The following PLXNC1 variants were observed in gnomAD, a reference collection of about 807,000 sequenced individuals.
The protein encoded by PLXNC1 is plexin C1.
PLXNC1 carries 75 observed loss-of-function variants against 178.2 expected under a neutral mutation model. The ratio of observed to expected loss-of-function variants is 0.42; its 90% CI spans 0.35 to 0.51. The LOEUF (loss-of-function observed/expected upper bound fraction) is 0.51, where lower values mean the gene tolerates loss of function less well. PLXNC1 is among the 20% of genes least tolerant of loss of function. The probability of loss-of-function intolerance (pLI) is 0.02; values close to 1 mark genes in which losing one functional copy is unlikely to be tolerated. For synonymous variants in PLXNC1, 790 were observed against 779.9 expected (o/e 1.01, Z -0.22); for missense variants, 1,503 against 1,984.4 (o/e 0.76, Z 4.61).
chr12:94,284,362 A>G (rs1223775265), intron 23 of PLXNC1, among the ~76,000 whole-genome samples: 1 of 152,176 alleles, frequency 6.6e-6, no homozygotes, highest in African/African-American at 2.4e-5. Context: ...AGTTCAGTCT[A>G]CATCCAGAAA....
chr12:94,186,530 G>T, intron 4 of PLXNC1, 57 bp downstream of exon 4: 1 of 1,090,498 alleles, frequency 9.2e-7, no homozygotes, highest in Non-Finnish European at 1.4e-6. Flanking sequence ...TCATGCGGCA[G>T]AACACTTGTT....
chr12:94,190,860 C>A (rs1267216954), intron 4 of PLXNC1, among the ~76,000 whole-genome samples: 6 of 152,234 alleles, frequency 3.9e-5, no homozygotes, highest in Non-Finnish European at 7.3e-5. Context: ...CAGTCTAGTA[C>A]ATTCTTCCCC....
At chr12:94,223,044 T>C (rs1451429849) in intron 6 of PLXNC1, among the ~76,000 whole-genome samples, 1 of 152,164 alleles carries the variant, frequency 6.6e-6, no homozygotes, top group Non-Finnish European at 1.5e-5. Context: ...CACACACTAA[T>C]AAAATTTCAA....
chr12:94,187,684 T>C (rs191367210), intron 4 of PLXNC1, among the ~76,000 whole-genome samples: 5 of 152,312 alleles, frequency 3.3e-5, no homozygotes, highest in African/African-American at 7.2e-5. Context: ...AGCATCCCTG[T>C]CTGTATTTGT....
chr12:94,220,130 A>C lies in PLXNC1; in HGVS notation c.1669A>C (p.Thr557Pro). The C allele has an allele frequency of 1.2e-6, 2 of 1,614,108 alleles. No individual in the cohort carries two copies. The highest frequency in any genetic ancestry group is 1.7e-6 in the Non-Finnish European group (2 of 1,179,982). ...TAAAAGTCAGCCCAACCGGACCTGC[A>C]CCTGTAGCATCCCAACCAGAGCAAC... ...QNKSQPNRTC[T>P]CSIPTRATYK... Residue 557 changes from threonine to proline, a missense_variant, in exon 6 of 31, where the codon ACC becomes CCC. By Grantham distance (38) the Thr-to-Pro change is conservative. This residue lies in a region of PLXNC1 where 615 missense variants were observed against 698.6 expected (regional missense o/e 0.88). Transcript: ENST00000258526.
chr12:94,226,254 G>A (rs914860192), intron 7 of PLXNC1, among the ~76,000 whole-genome samples: 22 of 152,210 alleles, frequency 1.4e-4, no homozygotes, highest in Admixed American at 3.3e-4. Context: ...GGAAGGCAGA[G>A]TGGGTAGAGG....
chr12:94,149,092 C>T lies in PLXNC1; in HGVS notation c.121C>T (p.Arg41Trp), dbSNP rs750982418. 3.8e-6 allele frequency: 6 copies of T among 1,579,044 alleles called. No homozygotes were observed. In the South Asian group the frequency reaches 5.7e-5, roughly 15 times the overall value. ...CCGGGGCGCGGACGAGCCCGTGTGGCGGTCGGAGCAAGCCATCGGAGCCAT... is the reference window on the plus strand; with the variant it reads ...CCGGGGCGCGGACGAGCCCGTGTGGTGGTCGGAGCAAGCCATCGGAGCCAT... ...PGRGADEPVWRSEQAIGAIAA... is the reference protein window; with the variant it reads ...PGRGADEPVWWSEQAIGAIAA... The change falls in exon 1 of 31, where the codon CGG becomes TGG. Residue 41 changes from arginine (R) to tryptophan (W), a missense_variant. This residue lies in a region of PLXNC1 where 176 missense variants were observed against 180.7 expected (regional missense o/e 0.97). Coordinates refer to ENST00000258526, the MANE Select transcript of PLXNC1 (RefSeq NM_005761.3).
chr12:94,186,284 C>A, intron 3 of PLXNC1, 89 bp from the exon 4 acceptor site: 2 of 872,868 alleles, frequency 2.3e-6, no homozygotes. Context: ...GATAAATAGG[C>A]TCTTTTTGGC....
intron 27 of PLXNC1, among the ~76,000 whole-genome samples, chr12:94,299,673 C>T (rs1009661501): frequency 6.6e-6 from 1 of 152,142 alleles, no homozygotes; most frequent in Non-Finnish European, 1.5e-5. Flanking sequence ...AATTCTCCCA[C>T]CTCAGCTTCC....
At chr12:94,212,651 G>C (rs908999467) in intron 5 of PLXNC1, among the ~76,000 whole-genome samples, 12 of 151,882 alleles carry the variant, frequency 7.9e-5, no homozygotes, top group Non-Finnish European at 1.6e-4. Context: ...CAAAGGACAT[G>C]AACTCATCTT....
At chr12:94,186,952 A>G (rs753348013) in intron 4 of PLXNC1, among the ~76,000 whole-genome samples, 1 of 152,170 alleles carries the variant, frequency 6.6e-6, no homozygotes, top group Non-Finnish European at 1.5e-5. Flanking sequence ...CTGATGTACA[A>G]TCTCAGTCTC....
chr12:94,289,841 C>T (rs909528360), intron 23 of PLXNC1, among the ~76,000 whole-genome samples: 3 of 152,186 alleles, frequency 2.0e-5, no homozygotes, highest in Non-Finnish European at 2.9e-5. Context: ...TGCACTCACA[C>T]ATACGCGCTC....
At chr12:94,227,257 G>C in intron 9 of PLXNC1, 22 bp downstream of exon 9, 1 of 1,458,710 alleles carries the variant, frequency 6.9e-7, no homozygotes, top group East Asian at 2.3e-5. Flanking sequence ...TTTTTGTGTG[G>C]TTGAGGGGAA....
chr12:94,279,455 T>C lies in PLXNC1; in HGVS notation c.3598-17T>C, dbSNP rs1459335499. On this transcript the variant is annotated splice_polypyrimidine_tract_variant and intron_variant, in intron 21 of 30. Transcript: ENST00000258526. Reference sequence around the variant, plus strand: ...CAATTATCTAATAGACTTGGAAACCTGTTTGTACTCTTGCAGGCATTAAAC... The same window carrying C: ...CAATTATCTAATAGACTTGGAAACCCGTTTGTACTCTTGCAGGCATTAAAC... 2 of 1,601,304 alleles carry C rather than the reference T, an allele frequency of 1.2e-6. No individual in the cohort carries two copies. The highest frequency in any genetic ancestry group is 1.3e-5 in the African/African-American group (1 of 74,388).
At chr12:94,213,408 G>C (rs1312978063) in intron 5 of PLXNC1, among the ~76,000 whole-genome samples, 1 of 152,202 alleles carries the variant, frequency 6.6e-6, no homozygotes, top group East Asian at 1.9e-4. Flanking sequence ...GACCAGTGAT[G>C]ATGAGCATTT....
chr12:94,235,641 T>C (rs1168247880), intron 9 of PLXNC1, among the ~76,000 whole-genome samples: 1 of 152,140 alleles, frequency 6.6e-6, no homozygotes, highest in East Asian at 1.9e-4. Flanking sequence ...AGACAGTAAA[T>C]ATTTTAGGCT....
chr12:94,149,846 G>T lies in PLXNC1; in HGVS notation c.875G>T (p.Arg292Leu). 5 of 1,587,452 alleles carry T rather than the reference G, an allele frequency of 3.1e-6. No individual in the cohort carries two copies. The highest frequency in any genetic ancestry group is 4.3e-6 in the Non-Finnish European group (5 of 1,167,810). ...GGCCACGGCCACCCCGACGGCCGCC[G>T]CCTGCTCCTCTCCTCCAGCCTAGTG... ...DCGHGHPDGR[R>L]LLLSSSLVEA... Residue 292 changes from arginine to leucine, a missense_variant, in exon 1 of 31, where the codon CGC (arginine) becomes CTC (leucine). Around this residue, in one of 4 missense-constraint regions of PLXNC1, gnomAD observed 615 missense variants for 698.6 expected, o/e 0.88. Coordinates refer to ENST00000258526, the MANE Select transcript of PLXNC1 (RefSeq NM_005761.3).
rs748879231 is a variant in PLXNC1, at chr12:94,297,350, A to T, written c.4001A>T (p.Gln1334Leu). 1 of 1,614,094 alleles carries T rather than the reference A, an allele frequency of 6.2e-7. No individual in the cohort carries two copies. Among genetic ancestry groups the T allele is most frequent in the Non-Finnish European group, 8.5e-7 (1 of 1,179,954 alleles). The change falls in exon 26 of 31, where the codon CAA becomes CTA. Residue 1334 changes from glutamine to leucine, a missense_variant. By Grantham distance (113) the Gln-to-Leu change is moderately radical. Coordinates refer to ENST00000258526, the MANE Select transcript of PLXNC1 (RefSeq NM_005761.3). ...GATTCGGAAGCATTCCAAGATGTGC[A>T]AGGAAAGAGACATCGAGGGAAGCAC... ...LPDSEAFQDVQGKRHRGKHKF... is the reference protein window; with the variant it reads ...LPDSEAFQDVLGKRHRGKHKF...
At chr12:94,302,625 G>A (rs957652578) in intron 28 of PLXNC1, among the ~76,000 whole-genome samples, 1 of 152,122 alleles carries the variant, frequency 6.6e-6, no homozygotes, top group African/African-American at 2.4e-5. Context: ...TACCAAATAA[G>A]GTAGTTATTA....
Sources: gnomAD v4.1 joint callset for allele counts (sites outside exome capture counted in the v4.1 genomes callset) on GRCh38, gnomAD v4.1.1 for gene constraint, gnomAD v4.1.1 regional missense constraint, MANE v1.5 for transcripts, NCBI Gene and HGNC (gene_info 2026-07-23, HGNC 2026-07-21) for gene names.